Variants in EFR3B observed in about 807,000 individuals in gnomAD.
The protein encoded by EFR3B is EFR3 homolog B.
In EFR3B, 64 loss-of-function variants were observed where a neutral mutation model predicts 104.7. That is an observed-to-expected ratio of 0.61 (90% confidence interval 0.50 to 0.75). The LOEUF is 0.75. EFR3B is among the 30% of genes least tolerant of loss of function. EFR3B has a pLI of 0.00. For synonymous variants in EFR3B, 385 were observed against 417.9 expected (o/e 0.92, Z 0.96); for missense variants, 750 against 1,078.5 (o/e 0.70, Z 4.27).
At position 25,137,914 on chromosome 2, in the gene EFR3B, G is replaced by A. The variant is rs2149208636; in HGVS notation, c.1722+412G>A. Among the ~76,000 whole-genome samples, 1 of 152,318 alleles carries A rather than the reference G, an allele frequency of 6.6e-6. No individual in the cohort carries two copies. The highest frequency in any genetic ancestry group is 1.9e-4 in the East Asian group (1 of 5,174). The stretch of plus-strand genomic sequence containing the variant: ...TGGCCGGGCGTGGTGGCTCATGCCT[G>A]TAATCCCAGCACTTTGGGAGGCCGA... On this transcript the variant is annotated intron_variant, in intron 15 of 22. Transcript: ENST00000403714. This position sits in a 1 kb window ranked among gnomAD's most constrained non-coding sequence, Gnocchi z 4.7.
intron 4 of EFR3B, 33 bp downstream of exon 4, chr2:25,103,820 C>T: frequency 6.5e-7 from 1 of 1,549,760 alleles, no homozygotes; most frequent in South Asian, 1.2e-5. Flanking sequence ...CCAGGTCTCC[C>T]AGCCGCATCC....
At position 25,078,020 on chromosome 2, in the gene EFR3B, C is replaced by CA. The variant is rs1218643751; in HGVS notation, c.8-13304dup. Among the ~76,000 whole-genome samples, 3 of 152,300 alleles carry CA rather than the reference C, an allele frequency of 2.0e-5. No individual in the cohort carries two copies. In the South Asian group the frequency reaches 6.2e-4, roughly 32 times the overall value. ...GAAGCCTTCCTAGATTCATTAAACT[C>CA]AGAGATTTCTTCAGTTTTATGGACT... is the stretch of plus-strand genomic sequence containing the variant. On this transcript the variant is annotated intron_variant, in intron 1 of 22. Transcript: ENST00000403714.
intron 16 of EFR3B, 123 bp from the exon 17 acceptor site, chr2:25,141,243 A>G: frequency 1.0e-6 from 1 of 983,012 alleles, no homozygotes; most frequent in South Asian, 1.7e-5. Flanking sequence ...TCAGCTGAGG[A>G]CACTGTGCTG....
intron 4 of EFR3B, among the ~76,000 whole-genome samples, chr2:25,113,312 T>C (rs771418717): frequency 6.6e-6 from 1 of 152,174 alleles, no homozygotes; most frequent in Non-Finnish European, 1.5e-5. Context: ...CGCATTTTAA[T>C]AAAAGTCATC....
At position 25,075,848 on chromosome 2, in the gene EFR3B, G is replaced by A. The variant is rs184026302; in HGVS notation, c.8-15477G>A. ...TCAAAACACTTTAGCTGTTGTTGAC[G>A]GTCATGATGATGCCCTTTCACTTGT... On this transcript the variant is annotated intron_variant, in intron 1 of 22. Coordinates refer to ENST00000403714, the MANE Select transcript of EFR3B (RefSeq NM_014971.2). Among the ~76,000 whole-genome samples, 236 of 152,278 alleles carry A rather than the reference G, an allele frequency of 1.5e-3. 1 individual carries two copies. The highest frequency in any genetic ancestry group is 5.6e-3 in the African/African-American group (232 of 41,554).
At chr2:25,151,835 G>A (rs2149215086) in intron 20 of EFR3B, 79 bp from the exon 21 acceptor site, 1 of 1,475,686 alleles carries the variant, frequency 6.8e-7, no homozygotes, top group Non-Finnish European at 9.2e-7. Context: ...CAATGCTCAT[G>A]GACAGTGCTC....
At chr2:25,112,712 T>C (rs1163678219) in intron 4 of EFR3B, among the ~76,000 whole-genome samples, 1 of 152,240 alleles carries the variant, frequency 6.6e-6, no homozygotes, top group South Asian at 2.1e-4. Context: ...TGCTGATTTT[T>C]CTACCCAGAT....
At chr2:25,070,652 A>T (rs1235620064) in intron 1 of EFR3B, among the ~76,000 whole-genome samples, 2 of 152,208 alleles carry the variant, frequency 1.3e-5, no homozygotes, top group Non-Finnish European at 2.9e-5. Context: ...AGCAGGTGAC[A>T]TCCTTTCTAT....
At chr2:25,127,364 A>G (rs574810813) in intron 5 of EFR3B, among the ~76,000 whole-genome samples, 1 of 152,232 alleles carries the variant, frequency 6.6e-6, no homozygotes, top group Admixed American at 6.5e-5. Context: ...AGCCAATACA[A>G]ATAAAATATG....
At chr2:25,098,485 G>C (rs1335256593) in intron 3 of EFR3B, among the ~76,000 whole-genome samples, 1 of 152,134 alleles carries the variant, frequency 6.6e-6, no homozygotes, top group Non-Finnish European at 1.5e-5. Flanking sequence ...ATCTCTGCTG[G>C]TAGTAATCTT....
chr2:25,069,802 T>C (rs897943166), intron 1 of EFR3B, among the ~76,000 whole-genome samples: 1 of 152,176 alleles, frequency 6.6e-6, no homozygotes, highest in Non-Finnish European at 1.5e-5. Flanking sequence ...GTTCAGGACA[T>C]TCTCCTGCCT....
chr2:25,073,608 C>T (rs148665247), intron 1 of EFR3B, among the ~76,000 whole-genome samples: 382 of 152,190 alleles, frequency 2.5e-3, no homozygotes, highest in Admixed American at 4.1e-3. Context: ...CCACCTGCCT[C>T]GGTCTCCCAA....
rs187853407 is a variant in EFR3B, at chr2:25,114,468, C to T, written c.364-7205C>T. ...CCCTGTTGCACACACCACTTCTCCA[C>T]GGGAGATCGGGGACTGGCATTAAGT... is the stretch of plus-strand genomic sequence containing the variant. On this transcript the variant is annotated intron_variant, in intron 4 of 22. Coordinates refer to ENST00000403714, the MANE Select transcript of EFR3B (RefSeq NM_014971.2). The surrounding 1 kb of genome is among the most constrained non-coding windows in gnomAD (Gnocchi z 4.0). Among the ~76,000 whole-genome samples the T allele has an allele frequency of 7.2e-5, 11 of 152,320 alleles. No homozygotes were observed. The highest frequency in any genetic ancestry group is 1.3e-4 in the Admixed American group (2 of 15,300).
At chr2:25,058,523 C>T (rs1228603773) in intron 1 of EFR3B, among the ~76,000 whole-genome samples, 1 of 152,084 alleles carries the variant, frequency 6.6e-6, no homozygotes, top group Non-Finnish European at 1.5e-5. Flanking sequence ...CTTTGAGAGG[C>T]CGAGGCAGGC....
At chr2:25,122,090 C>T (rs1670032808) in intron 5 of EFR3B, among the ~76,000 whole-genome samples, 1 of 151,984 alleles carries the variant, frequency 6.6e-6, no homozygotes, top group South Asian at 2.1e-4. Flanking sequence ...CCTCAGGCTC[C>T]CAAGTAGCTG....
intron 3 of EFR3B, among the ~76,000 whole-genome samples, chr2:25,102,759 C>T (rs1044850425): frequency 6.6e-6 from 1 of 151,972 alleles, no homozygotes; most frequent in Non-Finnish European, 1.5e-5. Flanking sequence ...TCCTAGTTTC[C>T]GAAGTTGTTC....
At chr2:25,059,782 G>A (rs1668135292) in intron 1 of EFR3B, among the ~76,000 whole-genome samples, 1 of 150,064 alleles carries the variant, frequency 6.7e-6, no homozygotes, top group Admixed American at 6.7e-5. Flanking sequence ...GGCCGAGGCA[G>A]GAGAATCGCT....
intron 6 of EFR3B, 124 bp downstream of exon 6, chr2:25,128,456 C>A: frequency 7.6e-7 from 1 of 1,308,960 alleles, no homozygotes; most frequent in Non-Finnish European, 1.0e-6. Flanking sequence ...GGCTTTGTGG[C>A]TTGTTCTGCA....
chr2:25,135,338 G>A lies in EFR3B; in HGVS notation c.1312-129G>A, dbSNP rs1670489370. 2.5e-5 allele frequency: 27 copies of A among 1,079,878 alleles called. No homozygotes were observed. In the South Asian group the frequency reaches 4.2e-4, roughly 17 times the overall value. The allele number at this position is 1,079,878 out of a possible 1,614,324, so 66.9% of individuals were successfully genotyped here. On this transcript the variant is annotated intron_variant, in intron 12 of 22. Coordinates refer to ENST00000403714, the MANE Select transcript of EFR3B (RefSeq NM_014971.2). ...GTTGCCTGGGCTGTAGGGTAGGGGA[G>A]GCTGGATTGGGCGATGTCTAGAGAG... is the stretch of plus-strand genomic sequence containing the variant.
Sources: allele counts gnomAD v4.1 joint callset (sites outside exome capture counted in the v4.1 genomes callset), GRCh38; gene constraint gnomAD v4.1.1; non-coding constraint Gnocchi (gnomAD v3.1); transcripts MANE v1.5; gene names NCBI Gene and HGNC (gene_info 2026-07-23, HGNC 2026-07-21).